Variants in AKAP19 observed in about 807,000 individuals in gnomAD.
AKAP19 encodes the protein A-kinase anchoring protein 19.
At chr2:189,940,253 T>C in the AKAP19 span, among the ~76,000 whole-genome samples, 2 of 145,840 alleles carry the variant, frequency 1.4e-5, no homozygotes, top group Non-Finnish European at 1.5e-5. Context: ...CACTCTGGCT[T>C]GGGCGACAGA....
chr2:190,135,247 A>C, the AKAP19 span, among the ~76,000 whole-genome samples: 1 of 152,146 alleles, frequency 6.6e-6, no homozygotes, highest in Non-Finnish European at 1.5e-5. Flanking sequence ...AGTAAGTAAG[A>C]ACTGAGTTCC....
the AKAP19 span, among the ~76,000 whole-genome samples, chr2:189,892,985 C>G: frequency 6.6e-6 from 1 of 152,142 alleles, no homozygotes; most frequent in Admixed American, 6.5e-5. Context: ...TGCCTAGCTG[C>G]GGTAGGCTCT....
At chr2:190,074,436 A>G in the AKAP19 span, among the ~76,000 whole-genome samples, 1 of 152,094 alleles carries the variant, frequency 6.6e-6, no homozygotes, top group Non-Finnish European at 1.5e-5. Context: ...GTGGACCATG[A>G]GGTCAAGAGA....
the AKAP19 span, among the ~76,000 whole-genome samples, chr2:190,189,057 T>C: frequency 3.9e-5 from 6 of 152,192 alleles, no homozygotes; most frequent in African/African-American, 1.4e-4. Flanking sequence ...ATTTGAGAAC[T>C]AGTCCTGGGG....
the AKAP19 span, among the ~76,000 whole-genome samples, chr2:189,896,478 G>A: frequency 6.6e-6 from 1 of 151,970 alleles, no homozygotes; most frequent in African/African-American, 2.4e-5. Flanking sequence ...TTCCATATGG[G>A]CCTAAATGTT....
the AKAP19 span, among the ~76,000 whole-genome samples, chr2:190,111,813 TG>T: frequency 2.6e-5 from 4 of 152,220 alleles, no homozygotes; most frequent in African/African-American, 9.6e-5. Context: ...AATTGTTTTT[TG>T]TGTTTGTTTT....
the AKAP19 span, among the ~76,000 whole-genome samples, chr2:189,966,019 G>T: frequency 2.0e-5 from 3 of 152,170 alleles, no homozygotes; most frequent in South Asian, 2.1e-4. Flanking sequence ...AAAAAGGAAT[G>T]AATTAATGGC....
the AKAP19 span, among the ~76,000 whole-genome samples, chr2:189,891,673 A>G: frequency 4.6e-5 from 7 of 151,564 alleles, no homozygotes; most frequent in Non-Finnish European, 7.4e-5. Context: ...CATTTTTTCC[A>G]TTATTTCAAC....
At chr2:190,132,283 G>GA in the AKAP19 span, among the ~76,000 whole-genome samples, 418 of 152,140 alleles carry the variant, frequency 2.7e-3, 5 homozygotes, top group Admixed American at 0.023. Context: ...CACAGAAATA[G>GA]AAAAAATAAT....
chr2:190,016,852 C>A, the AKAP19 span, among the ~76,000 whole-genome samples: 3 of 152,032 alleles, frequency 2.0e-5, no homozygotes. Context: ...AATTTCTGTC[C>A]AGATGATCTG....
At chr2:189,976,682 G>A in the AKAP19 span, among the ~76,000 whole-genome samples, 15 of 152,168 alleles carry the variant, frequency 9.9e-5, no homozygotes, top group East Asian at 3.9e-4. Flanking sequence ...AATGGCGGGC[G>A]CCCCTCCCCC....
the AKAP19 span, among the ~76,000 whole-genome samples, chr2:189,891,225 T>C: frequency 9.2e-6 from 1 of 108,374 alleles, no homozygotes; most frequent in African/African-American, 4.6e-5. Context: ...TTTTTTTCCT[T>C]TTTTTTTTTT....
chr2:190,060,379 A>C, the AKAP19 span: 1 of 1,611,368 alleles, frequency 6.2e-7, no homozygotes, highest in Non-Finnish European at 8.5e-7. Flanking sequence ...TGTATTTTAG[A>C]GCTAAATTTA....
the AKAP19 span, among the ~76,000 whole-genome samples, chr2:190,079,726 T>C: frequency 6.6e-6 from 1 of 151,940 alleles, no homozygotes; most frequent in Non-Finnish European, 1.5e-5. Context: ...TAAGAGAATT[T>C]CTTGAACCCA....
At chr2:189,893,045 C>T in the AKAP19 span, among the ~76,000 whole-genome samples, 2 of 152,126 alleles carry the variant, frequency 1.3e-5, no homozygotes, top group African/African-American at 2.4e-5. Flanking sequence ...AGGGGAAAAT[C>T]GCCTACTCAA....
At chr2:190,023,163 G>A in the AKAP19 span, among the ~76,000 whole-genome samples, 1 of 152,038 alleles carries the variant, frequency 6.6e-6, no homozygotes, top group Non-Finnish European at 1.5e-5. Context: ...GTTCAAATGT[G>A]ATTACTACTT....
At chr2:190,069,518 C>A in the AKAP19 span, among the ~76,000 whole-genome samples, 2 of 151,994 alleles carry the variant, frequency 1.3e-5, no homozygotes, top group Non-Finnish European at 2.9e-5. Context: ...TTTTAGAAAT[C>A]TTAACTCTCT....
the AKAP19 span, chr2:190,180,390 C>T: frequency 1.2e-6 from 1 of 854,886 alleles, no homozygotes; most frequent in Non-Finnish European, 1.4e-6. The surrounding 1 kb of genome is among the most constrained non-coding windows in gnomAD (Gnocchi z 6.8). Flanking sequence ...GAGGGCAGCG[C>T]CCCCTCTCAC....
the AKAP19 span, among the ~76,000 whole-genome samples, chr2:190,156,933 CATTT>C: frequency 6.6e-6 from 1 of 152,154 alleles, no homozygotes; most frequent in African/African-American, 2.4e-5. Context: ...GGCATACACA[CATTT>C]ATGTTTATTG....
Sources: allele counts gnomAD v4.1 joint callset (sites outside exome capture counted in the v4.1 genomes callset), GRCh38; gene constraint gnomAD v4.1.1; non-coding constraint Gnocchi (gnomAD v3.1); transcripts MANE v1.5; gene names NCBI Gene and HGNC (gene_info 2026-07-23, HGNC 2026-07-21).